PPARGC1B: variants seen among roughly 807,000 people sequenced by gnomAD.
The protein encoded by PPARGC1B is PPARG coactivator 1 beta, also known as peroxisome proliferator-activated receptor gamma coactivator 1-beta.
A neutral mutation model predicts 101.6 loss-of-function variants in PPARGC1B; 34 were observed. That is an observed-to-expected ratio of 0.33 (90% CI 0.25 to 0.45). The LOEUF is 0.45. PPARGC1B is among the 20% of genes least tolerant of loss of function. PPARGC1B has a pLI of 1.00. For synonymous variants in PPARGC1B, 548 were observed against 539.3 expected, an observed-to-expected ratio of 1.02 and a Z score of -0.22; for missense variants, 1,234 against 1,317.6, an observed-to-expected ratio of 0.94 and a Z score of 0.98.
chr5:149,739,634 C>T (rs796748809), intron 1 of PPARGC1B, among the ~76,000 whole-genome samples: 35 of 152,184 alleles, frequency 2.3e-4, no homozygotes, highest in African/African-American at 7.9e-4. Context: ...GGCCTTAGCT[C>T]TTGGGGAGGG....
At chr5:149,757,017 C>G (rs563734822) in intron 1 of PPARGC1B, among the ~76,000 whole-genome samples, 1 of 152,284 alleles carries the variant, frequency 6.6e-6, no homozygotes, top group Admixed American at 6.5e-5. Flanking sequence ...CAGCATCATC[C>G]TTCAGGAGCT....
intron 1 of PPARGC1B, among the ~76,000 whole-genome samples, chr5:149,784,560 CTTTTTTTTT>C (rs72364863): frequency 6.6e-5 from 5 of 75,716 alleles, no homozygotes; most frequent in Admixed American, 2.0e-4. Context: ...AACTGAGTTT[CTTTTTTTTT>C]TTTTTTTTTT....
chr5:149,743,719 G>T (rs572304939), intron 1 of PPARGC1B, among the ~76,000 whole-genome samples: 3 of 152,278 alleles, frequency 2.0e-5, no homozygotes, highest in South Asian at 2.1e-4. Context: ...CATTGTACCA[G>T]TCCCCACAAG....
At chr5:149,780,983 C>A (rs1057201785) in intron 1 of PPARGC1B, among the ~76,000 whole-genome samples, 1 of 152,190 alleles carries the variant, frequency 6.6e-6, no homozygotes, top group East Asian at 1.9e-4. Context: ...GCGGGGGAAT[C>A]GCCTGAGGTC....
chr5:149,733,745 C>T (rs1486335639), intron 1 of PPARGC1B, among the ~76,000 whole-genome samples: 1 of 152,068 alleles, frequency 6.6e-6, no homozygotes, highest in Non-Finnish European at 1.5e-5. Context: ...AATTTTAGAC[C>T]CCAAAGGCCA....
chr5:149,814,857 T>C (rs1284285830), intron 1 of PPARGC1B, among the ~76,000 whole-genome samples: 2 of 152,296 alleles, frequency 1.3e-5, no homozygotes, highest in East Asian at 3.9e-4. Context: ...GTGGTGTTGC[T>C]GGAGAAGGGG....
At chr5:149,857,422 C>T (rs1014198192), downstream of PPARGC1B, among the ~76,000 whole-genome samples, 12 of 152,142 alleles carry the variant, frequency 7.9e-5, no homozygotes, top group South Asian at 2.3e-3. Flanking sequence ...AACATGGCAG[C>T]AGAGTCAGGA....
intron 9 of PPARGC1B, among the ~76,000 whole-genome samples, 177 bp from the exon 10 acceptor site, chr5:149,842,079 C>G (rs1340942316): frequency 6.6e-6 from 1 of 152,188 alleles, no homozygotes; most frequent in Non-Finnish European, 1.5e-5. Context: ...CCTCCCCTAA[C>G]AAGGGCAGGT....
intron 1 of PPARGC1B, among the ~76,000 whole-genome samples, chr5:149,757,485 T>C (rs1346950795): frequency 6.6e-6 from 1 of 152,186 alleles, no homozygotes; most frequent in African/African-American, 2.4e-5. Flanking sequence ...AGTATTTATT[T>C]GAAATGAGTA....
chr5:149,781,282 C>A (rs1014840182), intron 1 of PPARGC1B, among the ~76,000 whole-genome samples: 1 of 152,028 alleles, frequency 6.6e-6, no homozygotes, highest in African/African-American at 2.4e-5. Context: ...AGGGAGCTTC[C>A]TGTCATGGGA....
intron 1 of PPARGC1B, among the ~76,000 whole-genome samples, chr5:149,807,331 A>G (rs1346640732): frequency 6.6e-6 from 1 of 151,934 alleles, no homozygotes; most frequent in Non-Finnish European, 1.5e-5. Context: ...GTCCCTAGGC[A>G]CATCTGAATT....
In PPARGC1B at chr5:149,811,437, T is replaced by C. The variant is rs184234717; in HGVS notation, c.79-8996T>C. Among the ~76,000 whole-genome samples, 203 of 152,368 alleles carry C rather than the reference T, an allele frequency of 1.3e-3. 1 individual carries two copies. Among genetic ancestry groups the C allele is most frequent in the African/African-American group, 4.4e-3 (182 of 41,586 alleles). On this transcript the variant is annotated intron_variant, in intron 1 of 11. Transcript: ENST00000309241. ...CAACTTAGTTTTCATTGAAATCTCGTCTTTTGTACTCATATTTTCTGTTTA... is the reference window on the plus strand; with the variant it reads ...CAACTTAGTTTTCATTGAAATCTCGCCTTTTGTACTCATATTTTCTGTTTA...
At chr5:149,765,634 G>A (rs543126440) in intron 1 of PPARGC1B, among the ~76,000 whole-genome samples, 13 of 152,102 alleles carry the variant, frequency 8.5e-5, no homozygotes, top group African/African-American at 3.1e-4. Flanking sequence ...CGAGGCGGGC[G>A]GATCACAAGG....
chr5:149,752,953 T>G (rs1395384575), intron 1 of PPARGC1B, among the ~76,000 whole-genome samples: 1 of 152,236 alleles, frequency 6.6e-6, no homozygotes, highest in Non-Finnish European at 1.5e-5. Flanking sequence ...AGCAACCCTC[T>G]ACTAATTTCT....
At chr5:149,826,927 G>C in intron 3 of PPARGC1B, 42 bp downstream of exon 3, 2 of 1,487,706 alleles carry the variant, frequency 1.3e-6, no homozygotes, top group South Asian at 2.4e-5. Context: ...TGCAGCCTGG[G>C]ATTAGGTTTC....
At chr5:149,838,751 TCA>T (rs1487729453) in intron 8 of PPARGC1B, among the ~76,000 whole-genome samples, 1 of 152,222 alleles carries the variant, frequency 6.6e-6, no homozygotes, top group Non-Finnish European at 1.5e-5. Context: ...CTTTTTCTGC[TCA>T]CTACAGAAAC....
In PPARGC1B at chr5:149,832,207, G is replaced by A. The variant is rs945929858; in HGVS notation, c.583-449G>A. Reference sequence around the variant, plus strand: ...GCCTGTAATCCCAACTACTCGGGAGGCTGAGGCAGGAGAATCGCTTGAACC... The same window carrying A: ...GCCTGTAATCCCAACTACTCGGGAGACTGAGGCAGGAGAATCGCTTGAACC... On this transcript the variant is annotated intron_variant, in intron 4 of 11. Coordinates refer to ENST00000309241, the MANE Select transcript of PPARGC1B (RefSeq NM_133263.4). This position sits in a 1 kb window ranked among gnomAD's most constrained non-coding sequence, Gnocchi z 4.9. 6.6e-6 allele frequency among the ~76,000 whole-genome samples: 1 copy of A among 152,200 alleles called. No homozygotes were observed. The highest frequency in any genetic ancestry group is 2.4e-5 in the African/African-American group (1 of 41,444).
At chr5:149,747,415 T>C (rs1755130385) in intron 1 of PPARGC1B, among the ~76,000 whole-genome samples, 1 of 152,218 alleles carries the variant, frequency 6.6e-6, no homozygotes, top group Non-Finnish European at 1.5e-5. Context: ...AGAAAAATAC[T>C]TTTAGCACCA....
intron 1 of PPARGC1B, among the ~76,000 whole-genome samples, chr5:149,787,001 A>T (rs1756835267): frequency 6.6e-6 from 1 of 152,140 alleles, no homozygotes; most frequent in Non-Finnish European, 1.5e-5. Flanking sequence ...GGTTCCCTTA[A>T]CTGAAAATGT....
Sources: gnomAD v4.1 joint callset for allele counts (sites outside exome capture counted in the v4.1 genomes callset) on GRCh38, gnomAD v4.1.1 for gene constraint, Gnocchi (gnomAD v3.1) non-coding constraint, MANE v1.5 for transcripts, NCBI Gene and HGNC (gene_info 2026-07-23, HGNC 2026-07-21) for gene names.